Variants in CDH12 observed in about 807,000 individuals in gnomAD.
CDH12 encodes the protein cadherin 12.
Under a neutral mutation model 74.1 loss-of-function variants are expected in CDH12, and 41 were observed. The ratio of observed to expected loss-of-function variants is 0.55; its 90% CI spans 0.43 to 0.72. The LOEUF is 0.72. CDH12 is among the 30% of genes least tolerant of loss of function. The probability of loss-of-function intolerance (pLI) is 0.00; values close to 1 mark genes in which losing one functional copy is unlikely to be tolerated. For synonymous variants in CDH12, 399 were observed against 355.0 expected, an observed-to-expected ratio of 1.12 and a Z score of -1.39; for missense variants, 945 against 977.2, an observed-to-expected ratio of 0.97 and a Z score of 0.44.
intron 3 of CDH12, among the ~76,000 whole-genome samples, chr5:22,363,020 A>T (rs1209511725): frequency 6.6e-6 from 1 of 151,954 alleles, no homozygotes; most frequent in African/African-American, 2.4e-5. Flanking sequence ...AACATGGCAC[A>T]TGTATATGTA....
At chr5:22,482,344 T>C (rs1746415663) in intron 2 of CDH12, among the ~76,000 whole-genome samples, 1 of 152,166 alleles carries the variant, frequency 6.6e-6, no homozygotes, top group South Asian at 2.1e-4. Flanking sequence ...GCTTGACATG[T>C]TAGCTGATCA....
intron 1 of CDH12, among the ~76,000 whole-genome samples, chr5:22,792,770 G>A (rs1489141321): frequency 6.6e-6 from 1 of 152,136 alleles, no homozygotes; most frequent in Admixed American, 6.5e-5. Context: ...CGGGAGTTGG[G>A]TCATCAGTGT....
At chr5:22,260,066 T>C (rs1436397196) in intron 3 of CDH12, among the ~76,000 whole-genome samples, 1 of 152,118 alleles carries the variant, frequency 6.6e-6, no homozygotes, top group East Asian at 1.9e-4. Context: ...TCTGGTGGTG[T>C]AAGAAAATAA....
intron 2 of CDH12, among the ~76,000 whole-genome samples, chr5:22,485,584 T>G (rs886195642): frequency 2.0e-5 from 3 of 152,262 alleles, no homozygotes; most frequent in Non-Finnish European, 4.4e-5. Flanking sequence ...AGCATTTGTA[T>G]TAAATTAGAT....
intron 1 of CDH12, among the ~76,000 whole-genome samples, chr5:22,539,954 A>G (rs1249369580): frequency 6.6e-6 from 1 of 152,084 alleles, no homozygotes; most frequent in Non-Finnish European, 1.5e-5. Context: ...TTTTTAATTT[A>G]CTCTCTTGGC....
intron 1 of CDH12, among the ~76,000 whole-genome samples, chr5:22,709,185 A>C (rs1743172601): frequency 6.6e-6 from 1 of 152,248 alleles, no homozygotes; most frequent in Non-Finnish European, 1.5e-5. Context: ...GCTAAATGCA[A>C]GTCAGTTCTA....
intron 1 of CDH12, among the ~76,000 whole-genome samples, chr5:22,764,811 A>G (rs1353113039): frequency 6.6e-6 from 1 of 151,986 alleles, no homozygotes; most frequent in African/African-American, 2.4e-5. Context: ...GACAATCTAG[A>G]AAATAATTTG....
chr5:22,557,918 T>G (rs1738872483), intron 1 of CDH12, among the ~76,000 whole-genome samples: 1 of 152,092 alleles, frequency 6.6e-6, no homozygotes, highest in African/African-American at 2.4e-5. Context: ...GGAAAGTAAA[T>G]ATTTTTGTCC....
chr5:22,558,979 T>C (rs1286657857), intron 1 of CDH12, among the ~76,000 whole-genome samples: 1 of 152,130 alleles, frequency 6.6e-6, no homozygotes, highest in Non-Finnish European at 1.5e-5. Context: ...CCACTGCTTG[T>C]ATGTTGGTTT....
chr5:22,432,549 C>CTG (rs745755156), intron 2 of CDH12, among the ~76,000 whole-genome samples: 7 of 149,258 alleles, frequency 4.7e-5, no homozygotes, highest in African/African-American at 1.7e-4. Flanking sequence ...ATGTTTATGT[C>CTG]TGTGTGTGTG....
At chr5:21,824,216 T>C (rs986750503) in intron 8 of CDH12, among the ~76,000 whole-genome samples, 3 of 152,092 alleles carry the variant, frequency 2.0e-5, no homozygotes, top group Admixed American at 2.0e-4. Flanking sequence ...AATTTTTTTT[T>C]CATCATCTCC....
At chr5:22,384,535 A>AAAAAAG (rs773584604) in intron 3 of CDH12, among the ~76,000 whole-genome samples, 2 of 140,498 alleles carry the variant, frequency 1.4e-5, no homozygotes, top group Admixed American at 7.3e-5. Flanking sequence ...CAAAAAAAAA[A>AAAAAAG]AAAAAGAAAA....
intron 3 of CDH12, among the ~76,000 whole-genome samples, chr5:22,271,881 T>C (rs1442145671): frequency 6.6e-6 from 1 of 152,174 alleles, no homozygotes; most frequent in Non-Finnish European, 1.5e-5. Context: ...ACTCAGATTT[T>C]GTTGTTCCAT....
In CDH12 at chr5:22,115,749, C is replaced by T. The variant is rs190849641; in HGVS notation, c.-186-36887G>A. Among the ~76,000 whole-genome samples the T allele has an allele frequency of 6.1e-3, 855 of 139,450 alleles. 8 individuals are homozygous for T. The highest frequency in any genetic ancestry group is 8.6e-3 in the Non-Finnish European group (568 of 66,318). 91.5% of individuals were successfully genotyped at this position (139,450 alleles called of 152,430 possible). ...GCCCTGTCACCAGGCTGGAATGCAG[C>T]GGTACAATCTCGGCTCACTGAAACC... On this transcript the variant is annotated intron_variant, in intron 4 of 14. Coordinates refer to ENST00000382254, the MANE Select transcript of CDH12 (RefSeq NM_004061.5).
intron 1 of CDH12, among the ~76,000 whole-genome samples, chr5:22,727,121 C>A (rs1426051753): frequency 6.6e-6 from 1 of 151,662 alleles, no homozygotes; most frequent in Admixed American, 6.6e-5. Flanking sequence ...ATAAATTTTT[C>A]ACTCTGACCT....
chr5:22,091,386 A>C (rs1324848356), intron 4 of CDH12, among the ~76,000 whole-genome samples: 1 of 151,202 alleles, frequency 6.6e-6, no homozygotes, highest in African/African-American at 2.4e-5. Context: ...ATTTCTATAC[A>C]CTGAAATGTC....
At chr5:22,292,546 CAAACA>C (rs539049374) in intron 3 of CDH12, among the ~76,000 whole-genome samples, 108 of 151,810 alleles carry the variant, frequency 7.1e-4, no homozygotes, top group Non-Finnish European at 1.3e-3. Context: ...CTCAATAGCA[CAAACA>C]AAACAAAACA....
chr5:22,262,507 G>C (rs1261315969), intron 3 of CDH12, among the ~76,000 whole-genome samples: 1 of 151,244 alleles, frequency 6.6e-6, no homozygotes, highest in East Asian at 2.0e-4. Flanking sequence ...TCTTAATCCA[G>C]TCTATCATTG....
At chr5:21,852,331 T>C (rs989639161) in intron 7 of CDH12, among the ~76,000 whole-genome samples, 1 of 151,272 alleles carries the variant, frequency 6.6e-6, no homozygotes, top group Admixed American at 6.6e-5. Context: ...CACTCTTCGT[T>C]CTAAATAATA....
Sources: gnomAD v4.1 joint callset for allele counts (sites outside exome capture counted in the v4.1 genomes callset) on GRCh38, gnomAD v4.1.1 for gene constraint, MANE v1.5 for transcripts, NCBI Gene and HGNC (gene_info 2026-07-23, HGNC 2026-07-21) for gene names.